The following ZNF519 variants were observed in gnomAD, a reference collection of about 807,000 sequenced individuals.
ZNF519 encodes similar to Zinc finger protein 85 (Zinc finger protein HPF4) (HTF1).
In ZNF519, 7 loss-of-function variants were observed where a neutral mutation model predicts 7.4. That is an observed-to-expected ratio of 0.94 (90% confidence interval 0.54 to 1.77). ZNF519 has a LOEUF of 1.77. Among genes scored for constraint, ZNF519 ranks in the 40% most tolerant of loss-of-function variants. ZNF519 has a pLI of 0.00. For missense variants in ZNF519, 586 were observed against 623.1 expected, an observed-to-expected ratio of 0.94 and a Z score of 0.63; for synonymous variants, 179 against 203.3, an observed-to-expected ratio of 0.88 and a Z score of 1.02.
At chr18:14,112,423 C>T (rs1205012797) in intron 2 of ZNF519, among the ~76,000 whole-genome samples, 1 of 152,112 alleles carries the variant, frequency 6.6e-6, no homozygotes, top group Non-Finnish European at 1.5e-5. Flanking sequence ...CACACTTTCA[C>T]CACTGTTATT....
At chr18:14,117,068 T>C (rs2046249592) in intron 2 of ZNF519, among the ~76,000 whole-genome samples, 1 of 152,138 alleles carries the variant, frequency 6.6e-6, no homozygotes, top group Non-Finnish European at 1.5e-5. Context: ...AATGTTTTCT[T>C]GCATATAACA....
chr18:14,101,748 T>C lies in ZNF519; in HGVS notation c.*3169A>G, dbSNP rs1219052229. The C allele has an allele frequency of 5.0e-6, 2 of 398,560 alleles. No individual in the cohort carries two copies. Among genetic ancestry groups the C allele is most frequent in the African/African-American group, 2.1e-5 (1 of 48,606 alleles). 24.7% of individuals were successfully genotyped at this position (398,560 alleles called of 1,614,324 possible). A position where few individuals can be genotyped will look rare whatever the true frequency, so the allele number is the denominator to read the frequency against. On this transcript the variant is annotated 3_prime_UTR_variant, in exon 3 of 3. Transcript: ENST00000590202. ...CCAGGGAGATGAAGTGTCCATCAGTTCTTTGATGATGTTCTGTGTGGAGCT... is the reference window on the plus strand; with the variant it reads ...CCAGGGAGATGAAGTGTCCATCAGTCCTTTGATGATGTTCTGTGTGGAGCT...
intron 2 of ZNF519, among the ~76,000 whole-genome samples, chr18:14,113,500 C>G (rs2046231841): frequency 6.6e-6 from 1 of 152,162 alleles, no homozygotes; most frequent in Non-Finnish European, 1.5e-5. Context: ...GTGCCCTGAC[C>G]TCTTGAGGCT....
In ZNF519 at chr18:14,114,617, C is replaced by A. The variant is rs113803023; in HGVS notation, c.131-8208G>T. Among the ~76,000 whole-genome samples the A allele has an allele frequency of 2.1e-4, 32 of 152,108 alleles. 1 individual carries two copies. The highest frequency in any genetic ancestry group is 7.0e-4 in the African/African-American group (29 of 41,490). On this transcript the variant is annotated intron_variant, in intron 2 of 2. Transcript: ENST00000590202. Reference sequence around the variant, plus strand: ...AGCTAAAAATTAAATTAATTCAGTTCATGGAGGGAGAGAGCAGAATTGTTA... The same window carrying A: ...AGCTAAAAATTAAATTAATTCAGTTAATGGAGGGAGAGAGCAGAATTGTTA...
intron 2 of ZNF519, among the ~76,000 whole-genome samples, chr18:14,113,595 CT>C (rs2046232405): frequency 6.6e-6 from 1 of 152,076 alleles, no homozygotes; most frequent in Non-Finnish European, 1.5e-5. Context: ...GTGTTCACAG[CT>C]ACAATAAAAA....
chr18:14,079,583 G>A (rs895734913), intron 3 of ZNF519, among the ~76,000 whole-genome samples: 3 of 152,168 alleles, frequency 2.0e-5, no homozygotes, highest in Non-Finnish European at 2.9e-5. Flanking sequence ...GGGAAGAACA[G>A]AGAACCTAGA....
chr18:14,124,530 G>A, intron 1 of ZNF519, 54 bp from the exon 2 acceptor site: 1 of 1,581,712 alleles, frequency 6.3e-7, no homozygotes. Context: ...GAGATGAAAT[G>A]AGTTAAAATA....
intron 2 of ZNF519, among the ~76,000 whole-genome samples, chr18:14,109,476 T>A (rs2143135827): frequency 6.6e-6 from 1 of 152,222 alleles, no homozygotes; most frequent in African/African-American, 2.4e-5. Context: ...ACAAAACAAG[T>A]CTTAAAACAT....
chr18:14,087,178 G>T (rs551487189), intron 2 of ZNF519, among the ~76,000 whole-genome samples: 10 of 152,050 alleles, frequency 6.6e-5, no homozygotes, highest in African/African-American at 2.4e-4. Flanking sequence ...CAACAGATTG[G>T]GTATAGAAGA....
downstream of ZNF519, among the ~76,000 whole-genome samples, chr18:14,097,918 GGTGA>G (rs2046143696): frequency 6.6e-6 from 1 of 152,124 alleles, no homozygotes; most frequent in Admixed American, 6.5e-5. Context: ...GAAAGTGCGA[GGTGA>G]GTAACAAACA....
chr18:14,081,694 C>A (rs2046071081), intron 3 of ZNF519, among the ~76,000 whole-genome samples: 1 of 152,094 alleles, frequency 6.6e-6, no homozygotes. Context: ...TGACAACTTT[C>A]AGAGAGGGAT....
At chr18:14,087,499 C>T (rs956616646) in intron 2 of ZNF519, among the ~76,000 whole-genome samples, 3 of 152,166 alleles carry the variant, frequency 2.0e-5, no homozygotes, top group Non-Finnish European at 2.9e-5. Flanking sequence ...TTCCATCTTA[C>T]CTGAACTGTA....
At chr18:14,118,878 T>C (rs2046257902) in intron 2 of ZNF519, among the ~76,000 whole-genome samples, 1 of 152,124 alleles carries the variant, frequency 6.6e-6, no homozygotes, top group Non-Finnish European at 1.5e-5. Flanking sequence ...CCACAGTCCA[T>C]GGCCAGTTAT....
intron 2 of ZNF519, among the ~76,000 whole-genome samples, chr18:14,111,657 T>A (rs190286952): frequency 6.6e-6 from 1 of 152,060 alleles, no homozygotes; most frequent in East Asian, 1.9e-4. Flanking sequence ...TATGAGCAGA[T>A]AGATGCCATA....
chr18:14,129,114 C>T (rs1432063178), intron 1 of ZNF519, among the ~76,000 whole-genome samples: 1 of 152,150 alleles, frequency 6.6e-6, no homozygotes, highest in Admixed American at 6.5e-5. Flanking sequence ...GATACAGGCT[C>T]AGGCAGCGCT....
chr18:14,095,411 G>A (rs2046131989), downstream of ZNF519, among the ~76,000 whole-genome samples: 1 of 152,184 alleles, frequency 6.6e-6, no homozygotes, highest in Non-Finnish European at 1.5e-5. Flanking sequence ...CTCCTTAGTT[G>A]AGGAATGGTG....
At chr18:14,098,023 A>C (rs2046144294), downstream of ZNF519, among the ~76,000 whole-genome samples, 1 of 152,104 alleles carries the variant, frequency 6.6e-6, no homozygotes, top group Non-Finnish European at 1.5e-5. Context: ...CTCATCATTG[A>C]TAACCTCAAT....
intron 2 of ZNF519, among the ~76,000 whole-genome samples, chr18:14,114,264 T>C (rs540257601): frequency 9.2e-5 from 14 of 152,318 alleles, no homozygotes; most frequent in African/African-American, 2.4e-4. Context: ...AGTACTTTCA[T>C]AGTTTTGGGT....
At chr18:14,132,129 A>T in intron 1 of ZNF519, 146 bp downstream of exon 1, 1 of 902,716 alleles carries the variant, frequency 1.1e-6, no homozygotes, top group African/African-American at 1.6e-5. Context: ...CAGGGACAGG[A>T]CAGGACGCCC....
Sources: allele counts gnomAD v4.1 joint callset (sites outside exome capture counted in the v4.1 genomes callset), GRCh38; gene constraint gnomAD v4.1.1; transcripts MANE v1.5; gene names NCBI Gene and HGNC (gene_info 2026-07-23, HGNC 2026-07-21).